Variants in KCNIP4 observed in about 807,000 individuals in gnomAD.
KCNIP4 encodes the protein potassium voltage-gated channel interacting protein 4, also known as Kv channel-interacting protein 4.
A neutral mutation model predicts 34.0 loss-of-function variants in KCNIP4; 12 were observed. The ratio of observed to expected loss-of-function variants is 0.35; its 90% CI spans 0.23 to 0.57. The LOEUF is 0.57. Ranked by LOEUF, KCNIP4 falls within the 20% of genes least tolerant of loss-of-function variation. KCNIP4 has a pLI of 0.83. For missense variants in KCNIP4, 238 were observed against 311.7 expected (o/e 0.76, Z 1.78); for synonymous variants, 124 against 102.2 (o/e 1.21, Z -1.29).
chr4:21,911,604 TCACACACACACA>T (rs149500330), intron 1 of KCNIP4, among the ~76,000 whole-genome samples: 3,894 of 129,956 alleles, frequency 0.03, 194 homozygotes, highest in African/African-American at 0.1. Context: ...GAATTGATAT[TCACACACACACA>T]CACACACACA....
At chr4:20,745,151 A>G (rs1010057441) in intron 5 of KCNIP4, among the ~76,000 whole-genome samples, 5 of 152,016 alleles carry the variant, frequency 3.3e-5, no homozygotes, top group Middle Eastern at 3.4e-3. Context: ...ACAGGGTCCC[A>G]CCCTTAGGTT....
chr4:21,441,345 G>A (rs368320187), intron 1 of KCNIP4, among the ~76,000 whole-genome samples: 84 of 151,620 alleles, frequency 5.5e-4, no homozygotes, highest in African/African-American at 1.9e-3. Flanking sequence ...GGGTTTCACC[G>A]TGTTAGCCAG....
At chr4:20,777,909 C>T in intron 3 of KCNIP4, among the ~76,000 whole-genome samples, 1 of 152,112 alleles carries the variant, frequency 6.6e-6, no homozygotes, top group East Asian at 1.9e-4. Context: ...AGGAAAATAC[C>T]TAATGAAGAA....
At chr4:21,320,964 T>TTA (rs1553860312) in intron 1 of KCNIP4, among the ~76,000 whole-genome samples, 3 of 102,916 alleles carry the variant, frequency 2.9e-5, no homozygotes, top group Non-Finnish European at 5.6e-5. Flanking sequence ...GAATCTGTCT[T>TTA]AAAAAAAAAA....
chr4:20,777,233 G>A (rs1756453989), intron 3 of KCNIP4, among the ~76,000 whole-genome samples: 2 of 152,198 alleles, frequency 1.3e-5, no homozygotes, highest in African/African-American at 2.4e-5. Flanking sequence ...GAAGTGCCAG[G>A]TGAAGGGGGA....
chr4:20,835,067 T>C (rs976159955), intron 3 of KCNIP4, among the ~76,000 whole-genome samples: 1 of 152,194 alleles, frequency 6.6e-6, no homozygotes, highest in African/African-American at 2.4e-5. Flanking sequence ...CAAGATTCTG[T>C]TGCTTACCAT....
At chr4:21,672,920 G>A (rs1484304674) in intron 1 of KCNIP4, among the ~76,000 whole-genome samples, 1 of 152,230 alleles carries the variant, frequency 6.6e-6, no homozygotes, top group Non-Finnish European at 1.5e-5. Flanking sequence ...TTGGCGGGAG[G>A]CCTCACTTTC....
At chr4:21,167,965 C>T (rs1209250519) in intron 1 of KCNIP4, among the ~76,000 whole-genome samples, 2 of 152,146 alleles carry the variant, frequency 1.3e-5, no homozygotes, top group Non-Finnish European at 2.9e-5. Context: ...ATCAGGCCAC[C>T]TCAGTGCCCT....
rs187031096 is a variant in KCNIP4, at chr4:21,360,736, A to C, written c.62-478027T>G. ...TCTTTTATATGTTAAAAAAATTCAAATTAATGTTATTCATAAAAACGTAGG... is the reference window on the plus strand; with the variant it reads ...TCTTTTATATGTTAAAAAAATTCAACTTAATGTTATTCATAAAAACGTAGG... On this transcript the variant is annotated intron_variant, in intron 1 of 8. Transcript: ENST00000382152. Among the ~76,000 whole-genome samples, 743 of 152,202 alleles carry C rather than the reference A, an allele frequency of 4.9e-3. 13 individuals are homozygous for C. Among genetic ancestry groups the C allele is most frequent in the African/African-American group, 7.4e-3 (306 of 41,558 alleles).
chr4:21,611,466 G>A (rs532522013), intron 1 of KCNIP4, among the ~76,000 whole-genome samples: 1 of 152,170 alleles, frequency 6.6e-6, no homozygotes, highest in Admixed American at 6.5e-5. Flanking sequence ...TAGATACATG[G>A]GGATTATGGA....
At chr4:21,734,826 A>G (rs977012161) in intron 1 of KCNIP4, among the ~76,000 whole-genome samples, 7 of 152,170 alleles carry the variant, frequency 4.6e-5, no homozygotes, top group African/African-American at 1.7e-4. Flanking sequence ...CCAGAGGAGC[A>G]AAGCCAGGCT....
chr4:21,082,019 C>T (rs1577659437), intron 1 of KCNIP4, among the ~76,000 whole-genome samples: 1 of 151,834 alleles, frequency 6.6e-6, no homozygotes, highest in East Asian at 1.9e-4. Flanking sequence ...TTTGAAAAGG[C>T]TAATTGCTGA....
At chr4:21,330,223 C>T (rs1341296256) in intron 1 of KCNIP4, among the ~76,000 whole-genome samples, 4 of 152,128 alleles carry the variant, frequency 2.6e-5, no homozygotes, top group Non-Finnish European at 4.4e-5. Flanking sequence ...ATTAGTACAA[C>T]GCTAAGGAGT....
At chr4:20,815,326 C>A (rs923093776) in intron 3 of KCNIP4, among the ~76,000 whole-genome samples, 1 of 152,098 alleles carries the variant, frequency 6.6e-6, no homozygotes, top group African/African-American at 2.4e-5. Context: ...ACAGTGGCAG[C>A]TGTCATTTAA....
intron 1 of KCNIP4, among the ~76,000 whole-genome samples, chr4:21,708,652 C>G (rs1000957850): frequency 1.3e-5 from 2 of 152,072 alleles, no homozygotes; most frequent in Admixed American, 6.6e-5. Flanking sequence ...AATGCATTCC[C>G]AGCCTTCCAT....
chr4:20,915,313 A>C (rs1405700578), intron 1 of KCNIP4, among the ~76,000 whole-genome samples: 1 of 152,202 alleles, frequency 6.6e-6, no homozygotes, highest in Non-Finnish European at 1.5e-5. Context: ...AGGAGTGCAA[A>C]GCAAGATGAG....
chr4:21,422,551 T>G (rs1725569485), intron 1 of KCNIP4, among the ~76,000 whole-genome samples: 1 of 151,954 alleles, frequency 6.6e-6, no homozygotes, highest in African/African-American at 2.4e-5. Context: ...AAGATTGCTT[T>G]AAGGGAAGAT....
chr4:21,407,910 G>A (rs1256632133), intron 1 of KCNIP4, among the ~76,000 whole-genome samples: 1 of 152,156 alleles, frequency 6.6e-6, no homozygotes, highest in Admixed American at 6.5e-5. Context: ...CAGGAATGCT[G>A]AAATAAATTT....
At chr4:21,299,584 C>T (rs187717669) in intron 1 of KCNIP4, among the ~76,000 whole-genome samples, 3 of 152,286 alleles carry the variant, frequency 2.0e-5, no homozygotes, top group Non-Finnish European at 2.9e-5. Context: ...CCCCAAAACA[C>T]ATAAGCGTTG....
Sources: allele counts gnomAD v4.1 joint callset (sites outside exome capture counted in the v4.1 genomes callset), GRCh38; gene constraint gnomAD v4.1.1; transcripts MANE v1.5; gene names NCBI Gene and HGNC (gene_info 2026-07-23, HGNC 2026-07-21).